TBC1D14: variants seen among roughly 807,000 people sequenced by gnomAD.
TBC1D14 encodes the protein TBC1 domain family member 14, also known as TBC1 domain family, member 14.
In TBC1D14, 26 loss-of-function variants were observed where a neutral mutation model predicts 79.0. The observed-to-expected ratio is 0.33, with a 90% confidence interval of 0.24 to 0.46. TBC1D14 has a LOEUF of 0.46. Among genes scored for constraint, TBC1D14 ranks in the 20% least tolerant of loss-of-function variants. The pLI is 1.00. For synonymous variants in TBC1D14, 394 were observed against 349.9 expected, an observed-to-expected ratio of 1.13 and a Z score of -1.40; for missense variants, 769 against 887.6, an observed-to-expected ratio of 0.87 and a Z score of 1.70.
intron 7 of TBC1D14, among the ~76,000 whole-genome samples, chr4:7,002,072 ATTG>A (rs1719730545): frequency 6.6e-6 from 1 of 151,888 alleles, no homozygotes; most frequent in South Asian, 2.1e-4. Context: ...TGGGGTTTTG[ATTG>A]TTGTTCTTAT....
rs1467992561 is a variant in TBC1D14, at chr4:6,924,094, T to C, written c.705T>C (p.Phe235=). 6.2e-7 allele frequency: 1 copy of C among 1,612,308 alleles called. No individual in the cohort carries two copies. Among genetic ancestry groups the C allele is most frequent in the African/African-American group, 1.3e-5 (1 of 74,924 alleles). The change falls in exon 2 of 14, where the codon TTT becomes TTC. Residue 235 remains phenylalanine (F), a synonymous_variant. Transcript: ENST00000409757. ...GTAAATTGAAAATATTGGGGCCATT[T>C]AGTAACTTCTTTGCAAGGTAATGCC... is the stretch of plus-strand genomic sequence containing the variant. ...EGSKLKILGP[F]SNFFARNLLA...
intron 3 of TBC1D14, among the ~76,000 whole-genome samples, chr4:6,978,550 G>C (rs1482401877): frequency 6.7e-5 from 10 of 148,776 alleles, no homozygotes; most frequent in Admixed American, 2.0e-4. Flanking sequence ...CAGCATGCTC[G>C]TTAAGAGTCA....
rs3188939 is a variant in TBC1D14, at chr4:7,032,301, T to A, written c.*1909T>A. The A allele has an allele frequency of 0.89, 135,794 of 152,756 alleles. 60,611 individuals carry two copies. Among genetic ancestry groups the A allele is most frequent in the East Asian group, 0.98 (5,057 of 5,166 alleles). 9.5% of individuals were successfully genotyped at this position (152,756 alleles called of 1,614,324 possible). On this transcript the variant is annotated 3_prime_UTR_variant, in exon 14 of 14. Transcript: ENST00000409757. ...GCAGATGTACTTATTTTTGTTCATGTTACGGGCGTTCCGTTCCTTAAAGAT... is the reference window on the plus strand; with the variant it reads ...GCAGATGTACTTATTTTTGTTCATGATACGGGCGTTCCGTTCCTTAAAGAT...
intron 2 of TBC1D14, among the ~76,000 whole-genome samples, chr4:6,958,121 C>T (rs1380665833): frequency 1.3e-5 from 2 of 152,190 alleles, no homozygotes; most frequent in Non-Finnish European, 2.9e-5. Context: ...CTACTGTGCT[C>T]TGTGTCCCAC....
chr4:6,987,404 C>A, intron 3 of TBC1D14: 3 of 1,365,334 alleles, frequency 2.2e-6, no homozygotes, highest in Non-Finnish European at 2.9e-6. Context: ...TGCCCGGTCC[C>A]GTGGGCCTGT....
chr4:6,945,565 A>G (rs1713355064), intron 2 of TBC1D14, among the ~76,000 whole-genome samples: 1 of 152,026 alleles, frequency 6.6e-6, no homozygotes, highest in Non-Finnish European at 1.5e-5. Flanking sequence ...CCTGACCAAC[A>G]TGGAGAAACC....
intron 8 of TBC1D14, among the ~76,000 whole-genome samples, chr4:7,005,508 C>T (rs1409821872): frequency 6.6e-6 from 1 of 152,038 alleles, no homozygotes; most frequent in Non-Finnish European, 1.5e-5. Context: ...GCATTCCAGC[C>T]TGGGTAACAG....
At position 6,932,948 on chromosome 4, in the gene TBC1D14, G is replaced by A. The variant is rs147938592; in HGVS notation, c.722+8837G>A. 2.4e-4 allele frequency among the ~76,000 whole-genome samples: 36 copies of A among 152,186 alleles called. 1 individual carries two copies. Among genetic ancestry groups the A allele is most frequent in the Middle Eastern group, 3.4e-3 (1 of 294 alleles). ...ACAGCATGTTGGCGGCTGTGTCCCC[G>A]TCCCAGTCTTGGCTAAGGAATTGTC... On this transcript the variant is annotated intron_variant, in intron 2 of 13. Coordinates refer to ENST00000409757, the MANE Select transcript of TBC1D14 (RefSeq NM_020773.3).
At chr4:6,926,160 G>A (rs551767363) in intron 2 of TBC1D14, among the ~76,000 whole-genome samples, 3 of 152,218 alleles carry the variant, frequency 2.0e-5, no homozygotes, top group East Asian at 3.8e-4. Flanking sequence ...CTTTGTCCTC[G>A]CACGTTCTGT....
intron 3 of TBC1D14, among the ~76,000 whole-genome samples, chr4:6,985,019 C>A (rs1717696805): frequency 6.6e-6 from 1 of 152,328 alleles, no homozygotes; most frequent in East Asian, 1.9e-4. Flanking sequence ...TTTGCCCTCG[C>A]CTGGGCAATT....
rs34860182 is a variant in TBC1D14, at chr4:6,923,510, C to G, written c.121C>G (p.Leu41Val). The G allele has an allele frequency of 0.12, 186,675 of 1,614,124 alleles. 11,751 individuals are homozygous for G. Among genetic ancestry groups the G allele is most frequent in the Middle Eastern group, 0.18 (1,076 of 6,062 alleles). ...CGTCAATCTCAAGGCGCCCCGACTC[C>G]TCTCCGCGCCTGAGTACGGGCCCAA... ...QHVNLKAPRL[L>V]SAPEYGPKLK... Residue 41 changes from leucine to valine, a missense_variant, in exon 2 of 14, where the codon CTC (leucine) becomes GTC (valine). Coordinates refer to ENST00000409757, the MANE Select transcript of TBC1D14 (RefSeq NM_020773.3).
chr4:6,909,841 C>T lies in TBC1D14; in HGVS notation c.-128C>T, dbSNP rs1021780256. 1 of 148,230 alleles carries T rather than the reference C, an allele frequency of 6.7e-6. No individual in the cohort carries two copies. The highest frequency in any genetic ancestry group is 1.5e-5 in the Non-Finnish European group (1 of 66,414). 9.2% of individuals were successfully genotyped at this position (148,230 alleles called of 1,614,324 possible). On this transcript the variant is annotated 5_prime_UTR_variant, in exon 1 of 14. Transcript: ENST00000409757. Reference sequence around the variant, plus strand: ...GCTCGCGCGCACCTGCGGGTCGGACCCGCTGCCTACCGCGTGCCCGGCGTC... The same window carrying T: ...GCTCGCGCGCACCTGCGGGTCGGACTCGCTGCCTACCGCGTGCCCGGCGTC...
chr4:6,989,518 C>G (rs570463197), intron 3 of TBC1D14, among the ~76,000 whole-genome samples: 1 of 152,326 alleles, frequency 6.6e-6, no homozygotes, highest in Admixed American at 6.5e-5. Context: ...GTCCCCCTGG[C>G]CTCAGGCATC....
intron 13 of TBC1D14, 98 bp from the exon 14 acceptor site, chr4:7,030,229 G>C (rs1275969568): frequency 8.7e-7 from 1 of 1,153,750 alleles, no homozygotes; most frequent in Non-Finnish European, 1.3e-6. Flanking sequence ...GGGGAGCCGG[G>C]GGACCCTGTT....
intron 6 of TBC1D14, among the ~76,000 whole-genome samples, chr4:7,000,457 G>T (rs1402020269): frequency 6.6e-6 from 1 of 151,062 alleles, no homozygotes; most frequent in Admixed American, 6.6e-5. Context: ...GGATTCCACA[G>T]GTAAGGATGG....
chr4:7,030,233 C>T, intron 13 of TBC1D14, 94 bp from the exon 14 acceptor site: 1 of 1,200,144 alleles, frequency 8.3e-7, no homozygotes. Flanking sequence ...AGCCGGGGGA[C>T]CCTGTTAGGA....
Position 6,933,255 on chromosome 4 carries a change from T to TC in TBC1D14, c.722+9148dup, listed in dbSNP as rs1560256251. Among the ~76,000 whole-genome samples the TC allele has an allele frequency of 1.4e-3, 5 of 3,528 alleles. 2 individuals are homozygous for TC. The East Asian group carries it at 0.074, about 52-fold the overall frequency. The allele number at this position is 3,528 out of a possible 152,430, so 2.3% of individuals were successfully genotyped here. A position where few individuals can be genotyped will look rare whatever the true frequency, so the allele number is the denominator to read the frequency against. On this transcript the variant is annotated intron_variant, in intron 2 of 13. Coordinates refer to ENST00000409757, the MANE Select transcript of TBC1D14 (RefSeq NM_020773.3). The stretch of plus-strand genomic sequence containing the variant: ...GAGAATTACCTCCCCTCCCCTCCCC[T>TC]CCCCTCCCCTCCCTTCCCCTCCCCC...
At chr4:7,014,168 T>C (rs910105682) in intron 11 of TBC1D14, among the ~76,000 whole-genome samples, 2 of 152,234 alleles carry the variant, frequency 1.3e-5, no homozygotes, top group African/African-American at 4.8e-5. Flanking sequence ...CCTACAAAGC[T>C]TGTGCCCTTA....
At position 7,030,315 on chromosome 4, in the gene TBC1D14, T is replaced by G; in HGVS notation, c.2017-12T>G. ...GTCACTTAACCTCAGCTGTCTTCCCTGTGACTTCTAGGTACTGACTGCATT... is the reference window on the plus strand; with the variant it reads ...GTCACTTAACCTCAGCTGTCTTCCCGGTGACTTCTAGGTACTGACTGCATT... On this transcript the variant is annotated splice_polypyrimidine_tract_variant and intron_variant, in intron 13 of 13. Transcript: ENST00000409757. 6.2e-7 allele frequency: 1 copy of G among 1,613,146 alleles called. No homozygotes were observed. Among genetic ancestry groups the G allele is most frequent in the South Asian group, 1.1e-5 (1 of 91,078 alleles).
Sources: gnomAD v4.1 joint callset for allele counts (sites outside exome capture counted in the v4.1 genomes callset) on GRCh38, gnomAD v4.1.1 for gene constraint, MANE v1.5 for transcripts, NCBI Gene and HGNC (gene_info 2026-07-23, HGNC 2026-07-21) for gene names.